PLEKHH2: variants seen among roughly 807,000 people sequenced by gnomAD.
The protein encoded by PLEKHH2 is pleckstrin homology domain-containing family H member 2.
A neutral mutation model predicts 187.9 loss-of-function variants in PLEKHH2; 129 were observed. The observed-to-expected ratio is 0.69, with a 90% CI of 0.59 to 0.79. PLEKHH2 has a LOEUF of 0.79. Among genes scored for constraint, PLEKHH2 ranks in the 30% least tolerant of loss-of-function variants. PLEKHH2 has a pLI of 0.00. For synonymous variants in PLEKHH2, 686 were observed against 605.6 expected (o/e 1.13, Z -1.95); for missense variants, 2,076 against 1,751.2 (o/e 1.19, Z -3.31).
intron 25 of PLEKHH2, among the ~76,000 whole-genome samples, chr2:43,754,247 G>A (rs1043038391): frequency 1.3e-5 from 2 of 150,900 alleles, no homozygotes; most frequent in African/African-American, 2.4e-5. Context: ...TATATTTAGC[G>A]CTCACATAGA....
At position 43,757,486 on chromosome 2, in the gene PLEKHH2, C is replaced by G. The variant is rs187989533; in HGVS notation, c.3941+222C>G. ...CCAGGCTGGAGTGCAGTGGCCCAATCTCGGCTCACTGCAAGCTCCGCCTCC... is the reference window on the plus strand; with the variant it reads ...CCAGGCTGGAGTGCAGTGGCCCAATGTCGGCTCACTGCAAGCTCCGCCTCC... On this transcript the variant is annotated intron_variant, in intron 26 of 29. Transcript: ENST00000282406. Among the ~76,000 whole-genome samples the G allele has an allele frequency of 3.9e-4, 57 of 147,884 alleles. 1 individual carries two copies. In the East Asian group the frequency reaches 0.01, roughly 26 times the overall value.
intron 2 of PLEKHH2, among the ~76,000 whole-genome samples, chr2:43,666,953 A>G (rs1314020803): frequency 6.6e-6 from 1 of 152,222 alleles, no homozygotes; most frequent in Non-Finnish European, 1.5e-5. Context: ...GCTTAGTGAT[A>G]GTAAGTAATG....
chr2:43,766,601 T>G lies in PLEKHH2; in HGVS notation c.*1003T>G, dbSNP rs1672629897. The G allele has an allele frequency of 6.6e-6, 1 of 151,966 alleles. No homozygotes were observed. The highest frequency in any genetic ancestry group is 1.5e-5 in the Non-Finnish European group (1 of 68,188). The allele number at this position is 151,966 out of a possible 1,614,324, so 9.4% of individuals were successfully genotyped here. ...GAGCCACCACACCTGGCTCCAGAAA[T>G]TTTATTTTATTTTTTTGAGGCAGGG... On this transcript the variant is annotated 3_prime_UTR_variant, in exon 30 of 30. Transcript: ENST00000282406.
intron 3 of PLEKHH2, among the ~76,000 whole-genome samples, chr2:43,689,171 A>G (rs1452284754): frequency 2.0e-5 from 3 of 152,166 alleles, no homozygotes; most frequent in Non-Finnish European, 4.4e-5. Flanking sequence ...CTTTCTTTGG[A>G]ATGTGGAGGA....
chr2:43,674,352 T>C (rs13407750), intron 2 of PLEKHH2, among the ~76,000 whole-genome samples: 2 of 152,180 alleles, frequency 1.3e-5, no homozygotes, highest in African/African-American at 4.8e-5. Flanking sequence ...GAAAATAGAA[T>C]ATAGTTATAT....
chr2:43,668,920 A>T (rs1055029499), intron 2 of PLEKHH2, among the ~76,000 whole-genome samples: 1 of 152,202 alleles, frequency 6.6e-6, no homozygotes, highest in Non-Finnish European at 1.5e-5. Context: ...CCCTGATATT[A>T]TGCACAAAGG....
rs77696689 is a variant in PLEKHH2 at position 43,738,206 on chromosome 2, G to C, written c.2944-135G>C. The C allele has an allele frequency of 7.0e-4, 471 of 670,012 alleles. 1 individual carries two copies. The African/African-American group carries it at 7.6e-3, about 11-fold the overall frequency. 41.5% of individuals were successfully genotyped at this position (670,012 alleles called of 1,614,324 possible). ...ATTGTGGCGATTCCAGATTTCTTTT[G>C]ATTAGTGTTATCATAATATATCCTT... is the stretch of plus-strand genomic sequence containing the variant. On this transcript the variant is annotated intron_variant, in intron 19 of 29. Transcript: ENST00000282406.
chr2:43,729,553 G>C, intron 17 of PLEKHH2, 84 bp from the exon 18 acceptor site: 1 of 872,254 alleles, frequency 1.1e-6, no homozygotes, highest in Non-Finnish European at 1.6e-6. Context: ...CCATCTCAAA[G>C]TTTTCTACTG....
intron 2 of PLEKHH2, chr2:43,676,366 G>C (rs759274710): frequency 5.3e-6 from 8 of 1,502,524 alleles, no homozygotes; most frequent in Non-Finnish European, 7.2e-6. Context: ...AGGCAGCCTG[G>C]GACCGGGTCC....
intron 7 of PLEKHH2, among the ~76,000 whole-genome samples, chr2:43,698,766 T>C (rs894625708): frequency 6.6e-6 from 1 of 152,234 alleles, no homozygotes; most frequent in African/African-American, 2.4e-5. Context: ...GTTTCTTTTC[T>C]ACACTTCAGT....
chr2:43,639,037 T>C (rs1441141583), intron 1 of PLEKHH2, among the ~76,000 whole-genome samples: 6 of 152,230 alleles, frequency 3.9e-5, no homozygotes, highest in Non-Finnish European at 7.3e-5. Context: ...TGAATTAATT[T>C]ATTATGTCAT....
intron 2 of PLEKHH2, among the ~76,000 whole-genome samples, chr2:43,652,451 A>T (rs761563094): frequency 6.6e-5 from 10 of 152,192 alleles, no homozygotes; most frequent in Non-Finnish European, 1.2e-4. Flanking sequence ...AACTGACTGT[A>T]TGCATATTTA....
At position 43,710,281 on chromosome 2, in the gene PLEKHH2, G is replaced by T; in HGVS notation, c.2165G>T (p.Arg722Leu). Residue 722 changes from arginine (R) to leucine (L), a missense_variant, in exon 13 of 30, where the codon CGG (arginine) becomes CTG (leucine). By Grantham distance (102) the Arg-to-Leu change is moderately radical (BLOSUM62 -2). Coordinates refer to ENST00000282406, the MANE Select transcript of PLEKHH2 (RefSeq NM_172069.4). ...KMSGKVKSWKRRWFVLKGGEL... is the reference protein window; with the variant it reads ...KMSGKVKSWKLRWFVLKGGEL... ...AGTGGTAAAGTCAAGTCTTGGAAGC[G>T]GCGGTGGTTTGTTCTTAAAGGTGGT... The T allele has an allele frequency of 1.2e-6, 2 of 1,614,122 alleles. No homozygotes were observed. Among genetic ancestry groups the T allele is most frequent in the Non-Finnish European group, 1.7e-6 (2 of 1,180,010 alleles).
Position 43,710,588 on chromosome 2 carries a change from T to TTTTTTC in PLEKHH2, c.2301+18_2301+19insCTTTTT. On this transcript the variant is annotated intron_variant, in intron 14 of 29. Coordinates refer to ENST00000282406, the MANE Select transcript of PLEKHH2 (RefSeq NM_172069.4). ...ACAAACAGTTCAGGTACTTAACTTT[T>TTTTTTC]TTTTTTTTTTTTTTTTTTTTGTATC... 7.7e-7 allele frequency: 1 copy of TTTTTTC among 1,291,808 alleles called. No homozygotes were observed. The highest frequency in any genetic ancestry group is 1.4e-5 in the South Asian group (1 of 73,704). The allele number at this position is 1,291,808 out of a possible 1,614,324, so 80.0% of individuals were successfully genotyped here.
At chr2:43,667,308 A>G (rs754188854) in intron 2 of PLEKHH2, among the ~76,000 whole-genome samples, 1 of 152,228 alleles carries the variant, frequency 6.6e-6, no homozygotes, top group Non-Finnish European at 1.5e-5. Flanking sequence ...GCATTATATG[A>G]AAAAATTGAA....
intron 19 of PLEKHH2, among the ~76,000 whole-genome samples, chr2:43,732,938 A>G (rs1393628957): frequency 2.0e-5 from 3 of 151,798 alleles, no homozygotes; most frequent in African/African-American, 4.8e-5. Context: ...CTCACAGCCA[A>G]CTTTCTGCCT....
chr2:43,673,779 T>C (rs1027869714), intron 2 of PLEKHH2, among the ~76,000 whole-genome samples: 3 of 152,210 alleles, frequency 2.0e-5, no homozygotes, highest in Non-Finnish European at 4.4e-5. Context: ...CATCATCACA[T>C]AGCTAGTATT....
chr2:43,683,823 G>T (rs1668362632), intron 3 of PLEKHH2, among the ~76,000 whole-genome samples: 1 of 150,416 alleles, frequency 6.6e-6, no homozygotes, highest in Non-Finnish European at 1.5e-5. Flanking sequence ...TGATTACCTT[G>T]TTTAAATCAA....
rs1671405861 is a variant in PLEKHH2 at position 43,738,493 on chromosome 2, G to T, written c.3096G>T (p.Gln1032His). The change falls in exon 20 of 30, where the codon CAG becomes CAT. Residue 1032 changes from glutamine to histidine, a missense_variant. Transcript: ENST00000282406. Reference protein sequence around the residue: ...CQLIKQTRRRQPQNQPGPLQG... With the variant: ...CQLIKQTRRRHPQNQPGPLQG... ...TTATTAAACAGACAAGACGAAGACA[G>T]CCACAGAATCAACCAGGACCATTGC... 1.9e-6 allele frequency: 3 copies of T among 1,612,684 alleles called. No homozygotes were observed. The South Asian group carries it at 3.3e-5, about 18-fold the overall frequency.
Sources: allele counts gnomAD v4.1 joint callset (sites outside exome capture counted in the v4.1 genomes callset), GRCh38; gene constraint gnomAD v4.1.1; transcripts MANE v1.5; gene names NCBI Gene and HGNC (gene_info 2026-07-23, HGNC 2026-07-21).